Variants in CMTM1 observed in about 807,000 individuals in gnomAD.
CMTM1 encodes the protein CKLF like MARVEL transmembrane domain containing 1.
In CMTM1, 16 loss-of-function variants were observed where a neutral mutation model predicts 17.8. That is an observed-to-expected ratio of 0.90 (90% CI 0.61 to 1.37). The LOEUF (loss-of-function observed/expected upper bound fraction) is 1.37. CMTM1 is among the 40% of genes most tolerant of loss of function. The pLI is 0.00. For synonymous variants in CMTM1, 169 were observed against 154.6 expected, an observed-to-expected ratio of 1.09 and a Z score of -0.69; for missense variants, 354 against 375.6, an observed-to-expected ratio of 0.94 and a Z score of 0.47.
At chr16:66,570,359 A>T (rs746414283) in intron 2 of CMTM1, among the ~76,000 whole-genome samples, 77 of 152,280 alleles carry the variant, frequency 5.1e-4, no homozygotes, top group Admixed American at 7.2e-4. Flanking sequence ...GTCCTAAAAA[A>T]ATATATATAC....
chr16:66,570,757 A>T (rs1173710248), intron 2 of CMTM1, among the ~76,000 whole-genome samples: 3 of 152,222 alleles, frequency 2.0e-5, no homozygotes, highest in African/African-American at 7.2e-5. Context: ...CTTACTAGCT[A>T]TGTAACCTTT....
At chr16:66,570,212 G>C in intron 2 of CMTM1, 118 bp downstream of exon 2, 6 of 811,008 alleles carry the variant, frequency 7.4e-6, no homozygotes, top group Admixed American at 2.7e-5. Context: ...TAGCTGAGCT[G>C]TGACAGTTAG....
At chr16:66,571,248 G>A (rs113228317) in intron 2 of CMTM1, 65 of 448,076 alleles carry the variant, frequency 1.5e-4, no homozygotes, top group African/African-American at 1.0e-3. Flanking sequence ...ATCTCTGTCC[G>A]TGGAAATTTT....
At chr16:66,567,229 A>C (rs773827021) in intron 1 of CMTM1, 5 of 504,056 alleles carry the variant, frequency 9.9e-6, no homozygotes, top group Non-Finnish European at 1.4e-5. Flanking sequence ...ACATAGGTAT[A>C]TACGCGCCAT....
At chr16:66,572,553 G>A (rs2013701787) in intron 2 of CMTM1, among the ~76,000 whole-genome samples, 1 of 152,156 alleles carries the variant, frequency 6.6e-6, no homozygotes, top group Non-Finnish European at 1.5e-5. Context: ...TCAAGCTTCA[G>A]GAGTCACTTG....
At chr16:66,574,618 TGTAA>T (rs1396565407) in intron 2 of CMTM1, among the ~76,000 whole-genome samples, 1 of 152,218 alleles carries the variant, frequency 6.6e-6, no homozygotes, top group African/African-American at 2.4e-5. Context: ...AGCGCTTCTT[TGTAA>T]GTAAGGACCA....
chr16:66,568,754 CA>C (rs1330997345), intron 1 of CMTM1, among the ~76,000 whole-genome samples: 7 of 152,084 alleles, frequency 4.6e-5, no homozygotes, highest in Middle Eastern at 3.4e-3. Context: ...GTCTTAGTGA[CA>C]CGCGCCTGTA....
chr16:66,568,778 C>T (rs538857176), intron 1 of CMTM1, among the ~76,000 whole-genome samples: 2 of 151,212 alleles, frequency 1.3e-5, no homozygotes, highest in African/African-American at 2.4e-5. Context: ...CCCAGCTACT[C>T]GGGAGGCTGC....
chr16:66,567,261 A>C, intron 1 of CMTM1: 2 of 422,442 alleles, frequency 4.7e-6, no homozygotes, highest in Non-Finnish European at 8.6e-6. Flanking sequence ...GCACCCATCA[A>C]CTCGTCACCT....
intron 2 of CMTM1, chr16:66,575,378 G>A: frequency 3.8e-6 from 1 of 266,306 alleles, no homozygotes; most frequent in Non-Finnish European, 5.8e-6. Context: ...TAGCAAGTTG[G>A]CAGATGGGTG....
At chr16:66,573,451 C>G (rs761428108) in intron 2 of CMTM1, among the ~76,000 whole-genome samples, 16 of 152,140 alleles carry the variant, frequency 1.1e-4, no homozygotes, top group Non-Finnish European at 2.4e-4. Context: ...ATTTTAAACA[C>G]TTCTACATCA....
intron 2 of CMTM1, among the ~76,000 whole-genome samples, chr16:66,576,708 A>C (rs1445886052): frequency 6.6e-6 from 1 of 152,216 alleles, no homozygotes; most frequent in Non-Finnish European, 1.5e-5. Flanking sequence ...TGAGTTATGG[A>C]ATAGAATGCA....
At chr16:66,573,928 C>A (rs1366704015) in intron 2 of CMTM1, among the ~76,000 whole-genome samples, 1 of 151,716 alleles carries the variant, frequency 6.6e-6, no homozygotes, top group Non-Finnish European at 1.5e-5. Context: ...CTCAGGTGAT[C>A]CACCCACCTC....
In CMTM1 at chr16:66,578,900, A is replaced by C; in HGVS notation, c.760A>C (p.Asn254His). The C allele has an allele frequency of 6.2e-7, 1 of 1,614,228 alleles. No individual in the cohort carries two copies. The highest frequency in any genetic ancestry group is 1.1e-5 in the South Asian group (1 of 91,084). The change falls in exon 4 of 4, where the codon AAC (asparagine) becomes CAC (histidine). Residue 254 changes from asparagine to histidine, a missense_variant. Transcript: ENST00000379500. ...TGTGGTCACCACGAAGATGAGGACC[A>C]ACTTGAAAAGATTCCTGGGAGTCGA... ...AFVVTTKMRT[N>H]LKRFLGVEVE... is the part of the protein sequence containing the mutation.
intron 2 of CMTM1, chr16:66,571,021 T>C (rs184382539): frequency 3.2e-5 from 13 of 404,294 alleles, no homozygotes; most frequent in African/African-American, 1.9e-4. Context: ...CACTTCCTTA[T>C]AGAACATTTT....
chr16:66,577,272 C>T (rs1188378947), intron 3 of CMTM1, 70 bp downstream of exon 3: 10 of 1,312,756 alleles, frequency 7.6e-6, no homozygotes, highest in South Asian at 1.2e-5. Context: ...AATTGGCAGA[C>T]CCCATTATAT....
In CMTM1 at chr16:66,566,977, C is replaced by G. The variant is rs1597145603; in HGVS notation, c.432+32C>G. 1 of 1,612,034 alleles carries G rather than the reference C, an allele frequency of 6.2e-7. No homozygotes were observed. The highest frequency in any genetic ancestry group is 2.2e-5 in the East Asian group (1 of 44,856). ...GGAGAGCTGGTGAGACCTAGCTGGG[C>G]GGATGTGGCCGGCAGTGGCCTCGGG... On this transcript the variant is annotated intron_variant, in intron 1 of 3. Coordinates refer to ENST00000379500, the MANE Select transcript of CMTM1 (RefSeq NM_052999.4). This position sits in a 1 kb window ranked among gnomAD's most constrained non-coding sequence, Gnocchi z 4.9.
At chr16:66,568,994 A>C (rs1404824990) in intron 1 of CMTM1, among the ~76,000 whole-genome samples, 1 of 152,226 alleles carries the variant, frequency 6.6e-6, no homozygotes, top group Non-Finnish European at 1.5e-5. Context: ...TGATTTAGTC[A>C]GGTGACTCGT....
intron 3 of CMTM1, among the ~76,000 whole-genome samples, chr16:66,578,445 T>C (rs1217073898): frequency 6.6e-6 from 1 of 152,000 alleles, no homozygotes; most frequent in Non-Finnish European, 1.5e-5. Flanking sequence ...AGTGCCTGGG[T>C]CCTCCTCCTC....
Sources: allele counts gnomAD v4.1 joint callset (sites outside exome capture counted in the v4.1 genomes callset), GRCh38; gene constraint gnomAD v4.1.1; non-coding constraint Gnocchi (gnomAD v3.1); transcripts MANE v1.5; gene names NCBI Gene and HGNC (gene_info 2026-07-23, HGNC 2026-07-21).